JCAD: variants seen among roughly 807,000 people sequenced by gnomAD.
The protein encoded by JCAD is junctional cadherin 5 associated, also known as junctional cadherin 5-associated protein.
A neutral mutation model predicts 98.0 loss-of-function variants in JCAD; 40 were observed. The ratio of observed to expected loss-of-function variants is 0.41; its 90% confidence interval spans 0.32 to 0.53. JCAD has a LOEUF of 0.53. Among genes scored for constraint, JCAD ranks in the 20% least tolerant of loss-of-function variants. The pLI, the probability that JCAD is intolerant of heterozygous loss-of-function variation, is 0.31. For synonymous variants in JCAD, 691 were observed against 682.3 expected, an observed-to-expected ratio of 1.01 and a Z score of -0.20; for missense variants, 1,705 against 1,738.1, an observed-to-expected ratio of 0.98 and a Z score of 0.34.
At chr10:30,045,582 C>T (rs973081153) in intron 2 of JCAD, among the ~76,000 whole-genome samples, 6 of 152,196 alleles carry the variant, frequency 3.9e-5, no homozygotes, top group East Asian at 3.9e-4. Context: ...AAACAAGCAC[C>T]CGTTTGTGTG....
intron 1 of JCAD, among the ~76,000 whole-genome samples, chr10:30,056,796 T>A (rs1837577949): frequency 6.6e-6 from 1 of 152,310 alleles, no homozygotes; most frequent in Non-Finnish European, 1.5e-5. Context: ...TCAATTCAAA[T>A]CAAGATAATT....
intron 1 of JCAD, among the ~76,000 whole-genome samples, chr10:30,084,129 AAAAG>A (rs761781887): frequency 6.6e-6 from 1 of 151,912 alleles, no homozygotes; most frequent in East Asian, 1.9e-4. Flanking sequence ...AAGAGAAAGA[AAAAG>A]GAAGAGAAAA....
At chr10:30,079,616 C>T (rs887659432) in intron 1 of JCAD, among the ~76,000 whole-genome samples, 2 of 152,124 alleles carry the variant, frequency 1.3e-5, no homozygotes, top group African/African-American at 4.8e-5. Context: ...AGCTGATTCA[C>T]CAGGCTCCAA....
Position 30,029,484 on chromosome 10 carries a change from T to G in JCAD, c.664A>C (p.Asn222His), listed in dbSNP as rs1836938496. The G allele has an allele frequency of 1.2e-6, 2 of 1,614,080 alleles. No homozygotes were observed. The highest frequency in any genetic ancestry group is 1.7e-6 in the Non-Finnish European group (2 of 1,180,040). Residue 222 changes from asparagine to histidine, a missense_variant, in exon 3 of 4, where the codon AAT becomes CAT. This residue lies in a region of JCAD where 275 missense variants were observed against 346.9 expected (regional missense o/e 0.79). Transcript: ENST00000375377. ...YPFIQGEHVL[N>H]SQNKGKSRSL... ...CGAGACTTCCCTTTGTTTTGAGAAT[T>G]CAACACATGTTCTCCTTGAATGAAT...
At chr10:30,044,510 G>T (rs945639379) in intron 2 of JCAD, among the ~76,000 whole-genome samples, 1 of 152,016 alleles carries the variant, frequency 6.6e-6, no homozygotes, top group Non-Finnish European at 1.5e-5. Context: ...GGGCTATCCC[G>T]GGCCCCAGGT....
chr10:30,073,681 G>GCTTCCTTC (rs35385707), intron 1 of JCAD, among the ~76,000 whole-genome samples: 25,495 of 137,624 alleles, frequency 0.19, 2,683 homozygotes, highest in East Asian at 0.24. Context: ...TTCCTTCCTT[G>GCTTCCTTC]CTTCCTTCCT....
rs1345252060 is a variant in JCAD, at chr10:30,017,738, T to C, written c.*145A>G. ...TCTGAGAGGATGGCAAGTTTCCTAG[T>C]GGCAGTGGTAAAGAATGTTATCAGG... is the stretch of plus-strand genomic sequence containing the variant. On this transcript the variant is annotated 3_prime_UTR_variant, in exon 4 of 4. Coordinates refer to ENST00000375377, the MANE Select transcript of JCAD (RefSeq NM_020848.4). 4.2e-6 allele frequency: 3 copies of C among 718,102 alleles called. No homozygotes were observed. Among genetic ancestry groups the C allele is most frequent in the Non-Finnish European group, 7.4e-6 (3 of 407,826 alleles). 44.5% of individuals were successfully genotyped at this position (718,102 alleles called of 1,614,324 possible).
intron 2 of JCAD, among the ~76,000 whole-genome samples, chr10:30,068,107 G>A (rs1406405777): frequency 1.3e-5 from 2 of 152,132 alleles, no homozygotes; most frequent in African/African-American, 2.4e-5. Context: ...AAGGATGTAC[G>A]GCCGGGTGCG....
At chr10:30,060,013 C>T (rs141217101), upstream of JCAD, among the ~76,000 whole-genome samples, 1,881 of 152,086 alleles carry the variant, frequency 0.012, 16 homozygotes, top group Middle Eastern at 0.048. Context: ...TACAGTCACA[C>T]GCAGGTGCAC....
chr10:30,037,780 C>G (rs958421118), intron 2 of JCAD, among the ~76,000 whole-genome samples: 1 of 151,984 alleles, frequency 6.6e-6, no homozygotes, highest in East Asian at 1.9e-4. Context: ...TATCAACGTG[C>G]ACAGAGGAAA....
Position 30,026,773 on chromosome 10 carries a change from C to T in JCAD, c.3375G>A (p.Gln1125=). The T allele has an allele frequency of 9.3e-6, 15 of 1,614,180 alleles. No homozygotes were observed. Among genetic ancestry groups the T allele is most frequent in the Non-Finnish European group, 1.3e-5 (15 of 1,180,042 alleles). Residue 1125 remains glutamine (Q), a synonymous_variant, in exon 3 of 4, where the codon CAG becomes CAA. Transcript: ENST00000375377. ...GTGCTGGGCGAGATAGCAACTCTTC[C>T]TGGGGGGACTCTGGGGTGCAGGCAC... The part of the protein sequence containing the change: ...DASACTPESP[Q]EELLSRPAPA...
intron 2 of JCAD, among the ~76,000 whole-genome samples, chr10:30,040,937 A>T (rs1441159073): frequency 6.6e-6 from 1 of 152,100 alleles, no homozygotes; most frequent in African/African-American, 2.4e-5. Context: ...CTCTAGCTGA[A>T]GGCAGAATTC....
chr10:30,085,043 A>G (rs1282657852), intron 1 of JCAD, among the ~76,000 whole-genome samples: 1 of 152,164 alleles, frequency 6.6e-6, no homozygotes, highest in African/African-American at 2.4e-5. Context: ...TAAAGAAACA[A>G]TCCTGATATG....
chr10:30,037,138 G>C lies in JCAD; in HGVS notation c.282-7272C>G, dbSNP rs76972707. ...GCGACTCACATTCACCAACCCCGCT[G>C]TCAGGTGCCTAACATGCTTCTGTGA... is the stretch of plus-strand genomic sequence containing the variant. On this transcript the variant is annotated intron_variant, in intron 2 of 3. Coordinates refer to ENST00000375377, the MANE Select transcript of JCAD (RefSeq NM_020848.4). Among the ~76,000 whole-genome samples the C allele has an allele frequency of 7.7e-3, 1,174 of 152,314 alleles. 17 individuals carry two copies. Among genetic ancestry groups the C allele is most frequent in the South Asian group, 0.048 (230 of 4,824 alleles).
chr10:30,045,043 T>C (rs556598048), intron 2 of JCAD, among the ~76,000 whole-genome samples: 2 of 152,212 alleles, frequency 1.3e-5, no homozygotes, highest in Admixed American at 1.3e-4. Context: ...CTCTGTCATC[T>C]GTATGAAAAC....
At chr10:30,059,633 A>T (rs1837663997), upstream of JCAD, 1 of 151,868 alleles carries the variant, frequency 6.6e-6, no homozygotes, top group Admixed American at 6.6e-5. This position sits in a 1 kb window ranked among gnomAD's most constrained non-coding sequence, Gnocchi z 5.0. Flanking sequence ...CGCCCCGCCC[A>T]CCGCCCGGGG....
chr10:30,048,836 G>A (rs1489639740), intron 1 of JCAD, among the ~76,000 whole-genome samples: 1 of 152,090 alleles, frequency 6.6e-6, no homozygotes. Flanking sequence ...CCAAAGTGCT[G>A]GGATTACAGC....
intron 1 of JCAD, among the ~76,000 whole-genome samples, chr10:30,109,398 ACCATTTCC>A (rs2132718767): frequency 6.6e-6 from 1 of 152,250 alleles, no homozygotes; most frequent in African/African-American, 2.4e-5. Flanking sequence ...TAATGGTGCC[ACCATTTCC>A]CCAGACTTCC....
chr10:30,107,111 CTCATTTGA>C (rs1838599193), intron 1 of JCAD, among the ~76,000 whole-genome samples: 2 of 152,168 alleles, frequency 1.3e-5, no homozygotes, highest in Non-Finnish European at 2.9e-5. Context: ...TACACAAATA[CTCATTTGA>C]TTGTCAGAGA....
Sources: allele counts gnomAD v4.1 joint callset (sites outside exome capture counted in the v4.1 genomes callset), GRCh38; gene constraint gnomAD v4.1.1; regional missense constraint gnomAD v4.1.1; non-coding constraint Gnocchi (gnomAD v3.1); transcripts MANE v1.5; gene names NCBI Gene and HGNC (gene_info 2026-07-23, HGNC 2026-07-21).